The following AUTS2 variants were observed in gnomAD, a reference collection of about 807,000 sequenced individuals.
The protein encoded by AUTS2 is activator of transcription and developmental regulator AUTS2, also known as autism susceptibility gene 2 protein.
AUTS2 carries 17 observed loss-of-function variants against 112.4 expected under a neutral mutation model. The ratio of observed to expected loss-of-function variants is 0.15; its 90% CI spans 0.10 to 0.23. The LOEUF (loss-of-function observed/expected upper bound fraction) is 0.23, where lower values mean the gene tolerates loss of function less well. Ranked by LOEUF, AUTS2 falls within the 10% of genes least tolerant of loss-of-function variation. AUTS2 has a pLI of 1.00. For synonymous variants in AUTS2, 751 were observed against 702.7 expected, an observed-to-expected ratio of 1.07 and a Z score of -1.09; for missense variants, 1,510 against 1,701.6, an observed-to-expected ratio of 0.89 and a Z score of 1.98.
chr7:70,096,672 A>G (rs1032617475), intron 2 of AUTS2, among the ~76,000 whole-genome samples: 1 of 151,988 alleles, frequency 6.6e-6, no homozygotes, highest in Non-Finnish European at 1.5e-5. Context: ...TTGAGTTTGT[A>G]TAATTTTCAT....
chr7:69,954,194 A>T (rs1639640848), intron 2 of AUTS2, among the ~76,000 whole-genome samples: 1 of 152,226 alleles, frequency 6.6e-6, no homozygotes, highest in African/African-American at 2.4e-5. Context: ...TATAGTGAGA[A>T]TACTTAGTAT....
In AUTS2 at chr7:70,612,706, T is replaced by C. The variant is rs113244586; in HGVS notation, c.691-85863T>C. ...GCAATGTATCCACCCTCACTTTTATTTGAGAGGTTACAAAGCAAACAAAAT... is the reference window on the plus strand; with the variant it reads ...GCAATGTATCCACCCTCACTTTTATCTGAGAGGTTACAAAGCAAACAAAAT... On this transcript the variant is annotated intron_variant, in intron 5 of 18. Transcript: ENST00000342771. 5.4e-3 allele frequency among the ~76,000 whole-genome samples: 827 copies of C among 152,194 alleles called. 11 individuals carry two copies. Among genetic ancestry groups the C allele is most frequent in the African/African-American group, 0.019 (777 of 41,514 alleles).
intron 4 of AUTS2, among the ~76,000 whole-genome samples, chr7:70,152,419 C>T (rs1001838496): frequency 4.0e-5 from 6 of 150,320 alleles, no homozygotes; most frequent in African/African-American, 1.2e-4. Flanking sequence ...GGAACAAAGA[C>T]TGACAGCAGA....
intron 5 of AUTS2, among the ~76,000 whole-genome samples, chr7:70,653,091 C>CA (rs1225416733): frequency 2.6e-5 from 4 of 151,874 alleles, no homozygotes. Context: ...TCTATCTCTA[C>CA]AAAAAAATAA....
chr7:70,481,811 C>T (rs868766587), intron 5 of AUTS2, among the ~76,000 whole-genome samples: 4 of 152,082 alleles, frequency 2.6e-5, no homozygotes, highest in Non-Finnish European at 4.4e-5. Flanking sequence ...TGTGGAGGCA[C>T]GATTGCTTAG....
intron 2 of AUTS2, among the ~76,000 whole-genome samples, chr7:69,982,239 G>A (rs1248817309): frequency 1.3e-5 from 2 of 152,070 alleles, no homozygotes; most frequent in Admixed American, 6.5e-5. Flanking sequence ...TGACTGCTCT[G>A]CTATATTCTC....
chr7:69,612,466 CTTTT>C (rs879396764), intron 1 of AUTS2, among the ~76,000 whole-genome samples: 1 of 145,838 alleles, frequency 6.9e-6, no homozygotes, highest in African/African-American at 2.5e-5. Flanking sequence ...TATTTTAAAA[CTTTT>C]TTTTTTTTAG....
intron 1 of AUTS2, among the ~76,000 whole-genome samples, chr7:69,634,840 C>A (rs928176901): frequency 1.3e-5 from 2 of 152,168 alleles, no homozygotes; most frequent in Non-Finnish European, 2.9e-5. Context: ...CAAACAGGCT[C>A]ACTTAACACT....
At chr7:69,616,283 G>C (rs1335996423) in intron 1 of AUTS2, among the ~76,000 whole-genome samples, 3 of 152,206 alleles carry the variant, frequency 2.0e-5, no homozygotes, top group Non-Finnish European at 4.4e-5. Context: ...AAGTGGTGGA[G>C]TCAAGAAAGT....
At chr7:69,646,892 C>T (rs1795045199) in intron 1 of AUTS2, among the ~76,000 whole-genome samples, 1 of 152,314 alleles carries the variant, frequency 6.6e-6, no homozygotes, top group East Asian at 1.9e-4. Context: ...CGAGACCATC[C>T]TGGCTAACAC....
intron 2 of AUTS2, among the ~76,000 whole-genome samples, chr7:69,917,503 C>T (rs932705459): frequency 6.8e-6 from 1 of 146,332 alleles, no homozygotes; most frequent in African/African-American, 2.8e-5. Flanking sequence ...AAAGGGATCC[C>T]CTATAGCTTT....
intron 1 of AUTS2, among the ~76,000 whole-genome samples, chr7:69,626,195 T>C (rs1233039843): frequency 3.9e-5 from 6 of 152,138 alleles, no homozygotes; most frequent in African/African-American, 1.4e-4. Flanking sequence ...TGAAATCTCT[T>C]AGTGTGTGTG....
At chr7:69,774,659 A>T (rs1209286465) in intron 1 of AUTS2, among the ~76,000 whole-genome samples, 1 of 152,240 alleles carries the variant, frequency 6.6e-6, no homozygotes, top group Non-Finnish European at 1.5e-5. Flanking sequence ...TTTTGAGGTG[A>T]TAGAAATATA....
intron 4 of AUTS2, among the ~76,000 whole-genome samples, chr7:70,364,285 C>T (rs534351371): frequency 1.1e-4 from 16 of 151,970 alleles, no homozygotes; most frequent in East Asian, 9.7e-4. Flanking sequence ...AAAATTAGGC[C>T]GGGCGCAGTG....
chr7:69,713,460 G>GTTTT (rs764107255), intron 1 of AUTS2, among the ~76,000 whole-genome samples: 2 of 135,788 alleles, frequency 1.5e-5, no homozygotes, highest in Non-Finnish European at 3.2e-5. Flanking sequence ...GCTTTCAAGA[G>GTTTT]TTTTTTTTTT....
chr7:70,058,721 T>C (rs556065632), intron 2 of AUTS2, among the ~76,000 whole-genome samples: 1 of 152,224 alleles, frequency 6.6e-6, no homozygotes, highest in East Asian at 1.9e-4. Flanking sequence ...CTTTCCTTAT[T>C]AAGGATAATT....
chr7:70,329,344 A>T (rs1240164819), intron 4 of AUTS2, among the ~76,000 whole-genome samples: 1 of 152,092 alleles, frequency 6.6e-6, no homozygotes, highest in African/African-American at 2.4e-5. Context: ...AACTTTTTGA[A>T]GATTGCCGAA....
At chr7:70,584,666 C>T (rs192230849) in intron 5 of AUTS2, among the ~76,000 whole-genome samples, 3 of 152,360 alleles carry the variant, frequency 2.0e-5, no homozygotes, top group Admixed American at 6.5e-5. Context: ...AGGCCGAGAA[C>T]GCCATGCTTA....
rs760536352 is a variant in AUTS2 at position 70,768,016 on chromosome 7, C to T, written c.1690-8C>T. The T allele has an allele frequency of 2.5e-6, 4 of 1,610,448 alleles. No individual in the cohort carries two copies. Among genetic ancestry groups the T allele is most frequent in the African/African-American group, 2.7e-5 (2 of 74,724 alleles). ...AAGTAACTAGCTTTTGCTTTGATCC[C>T]TTTACAGTTTGACAAATACCCTACA... On this transcript the variant is annotated splice_region_variant and splice_polypyrimidine_tract_variant and intron_variant, in intron 9 of 18. Coordinates refer to ENST00000342771, the MANE Select transcript of AUTS2 (RefSeq NM_015570.4).
Sources: allele counts gnomAD v4.1 joint callset (sites outside exome capture counted in the v4.1 genomes callset), GRCh38; gene constraint gnomAD v4.1.1; transcripts MANE v1.5; gene names NCBI Gene and HGNC (gene_info 2026-07-23, HGNC 2026-07-21).